The following KHDRBS2 variants were observed in gnomAD, a reference collection of about 807,000 sequenced individuals.
The protein encoded by KHDRBS2 is KH domain-containing, RNA-binding, signal transduction-associated protein 2.
A neutral mutation model predicts 44.3 loss-of-function variants in KHDRBS2; 26 were observed. The ratio of observed to expected loss-of-function variants is 0.59; its 90% CI spans 0.43 to 0.81. KHDRBS2 has a LOEUF of 0.81. Among genes scored for constraint, KHDRBS2 ranks in the 40% least tolerant of loss-of-function variants. The probability of loss-of-function intolerance (pLI) is 0.00; values close to 1 mark genes in which losing one functional copy is unlikely to be tolerated. For synonymous variants in KHDRBS2, 194 were observed against 151.1 expected, an observed-to-expected ratio of 1.28 and a Z score of -2.08; for missense variants, 476 against 433.1, an observed-to-expected ratio of 1.10 and a Z score of -0.88.
intron 6 of KHDRBS2, among the ~76,000 whole-genome samples, chr6:61,819,005 A>G (rs1355851554): frequency 6.6e-6 from 1 of 152,024 alleles, no homozygotes; most frequent in Non-Finnish European, 1.5e-5. Flanking sequence ...CTCAGTAGTT[A>G]GTTTAGTGAA....
intron 6 of KHDRBS2, among the ~76,000 whole-genome samples, chr6:61,876,893 T>C (rs1490482723): frequency 1.2e-4 from 18 of 152,058 alleles, no homozygotes; most frequent in Non-Finnish European, 1.5e-5. Flanking sequence ...TGCCGAAATA[T>C]GTTCCTTGTA....
chr6:62,138,725 A>G (rs1812107301), intron 2 of KHDRBS2, among the ~76,000 whole-genome samples: 1 of 152,208 alleles, frequency 6.6e-6, no homozygotes. Context: ...AACCCATTAT[A>G]CTTTGCAGAT....
chr6:61,544,362 T>C, the KHDRBS2 span, among the ~76,000 whole-genome samples: 1 of 152,144 alleles, frequency 6.6e-6, no homozygotes, highest in African/African-American at 2.4e-5. Flanking sequence ...AAGAGTCTTA[T>C]GGAACCGTTA....
At chr6:62,065,072 A>C (rs573957258) in intron 2 of KHDRBS2, among the ~76,000 whole-genome samples, 124 of 152,276 alleles carry the variant, frequency 8.1e-4, no homozygotes, top group African/African-American at 2.8e-3. Context: ...GCAAATCAAA[A>C]CCACAATGAG....
chr6:61,735,774 A>T (rs540642914), intron 6 of KHDRBS2, among the ~76,000 whole-genome samples: 8 of 152,036 alleles, frequency 5.3e-5, no homozygotes, highest in Non-Finnish European at 1.2e-4. Context: ...ATTGTCTCAT[A>T]CTTAATTGGT....
intron 2 of KHDRBS2, among the ~76,000 whole-genome samples, chr6:62,095,175 T>G (rs1278478269): frequency 6.6e-6 from 1 of 151,728 alleles, no homozygotes; most frequent in East Asian, 1.9e-4. Context: ...GAAAAAGAAA[T>G]AAAGAAAGCA....
At chr6:61,883,415 A>T (rs906563379) in intron 6 of KHDRBS2, among the ~76,000 whole-genome samples, 4 of 152,158 alleles carry the variant, frequency 2.6e-5, no homozygotes, top group Non-Finnish European at 4.4e-5. Context: ...ACAGGGAGAA[A>T]CCTATTTTCA....
chr6:62,113,175 C>A (rs1211315952), intron 2 of KHDRBS2, among the ~76,000 whole-genome samples: 2 of 152,022 alleles, frequency 1.3e-5, no homozygotes, highest in African/African-American at 2.4e-5. Context: ...CCTAGAAGAA[C>A]CCTCCCATTA....
intron 2 of KHDRBS2, among the ~76,000 whole-genome samples, chr6:62,088,245 G>A (rs1313865061): frequency 6.6e-6 from 1 of 152,172 alleles, no homozygotes; most frequent in Non-Finnish European, 1.5e-5. Flanking sequence ...CCTTGCTGGT[G>A]AGGAGTTGTG....
At chr6:61,850,440 C>T (rs1795258707) in intron 6 of KHDRBS2, among the ~76,000 whole-genome samples, 1 of 152,076 alleles carries the variant, frequency 6.6e-6, no homozygotes, top group Admixed American at 6.6e-5. Flanking sequence ...AAATAATTAG[C>T]ACGGAGAAAG....
chr6:61,564,894 A>G, the KHDRBS2 span, among the ~76,000 whole-genome samples: 3 of 152,010 alleles, frequency 2.0e-5, no homozygotes, highest in Admixed American at 6.6e-5. Flanking sequence ...TTCAAATTAT[A>G]CTACAGAGTT....
chr6:61,840,409 T>C lies in KHDRBS2; in HGVS notation c.810+54226A>G, dbSNP rs183797326. ...ATTGTTCTGTTGATAATCAATATAA[T>C]ATAAATAATGACTAAAGCTACTTTA... On this transcript the variant is annotated intron_variant, in intron 6 of 8. Transcript: ENST00000281156. Among the ~76,000 whole-genome samples the C allele has an allele frequency of 2.4e-4, 37 of 152,218 alleles. 1 individual carries two copies. Among genetic ancestry groups the C allele is most frequent in the Admixed American group, 2.2e-3 (33 of 15,258 alleles).
At chr6:61,763,649 A>C (rs567895672) in intron 6 of KHDRBS2, among the ~76,000 whole-genome samples, 14 of 152,298 alleles carry the variant, frequency 9.2e-5, no homozygotes, top group Non-Finnish European at 1.8e-4. Context: ...AAAGTACATG[A>C]GGAATACCAA....
the KHDRBS2 span, among the ~76,000 whole-genome samples, chr6:61,593,849 G>T: frequency 6.6e-6 from 1 of 152,070 alleles, no homozygotes; most frequent in African/African-American, 2.4e-5. Context: ...CAGAAACTAT[G>T]TAAAGGAACT....
chr6:61,545,501 C>CTGTGTGTGTGTGTGTG, the KHDRBS2 span, among the ~76,000 whole-genome samples: 591 of 148,434 alleles, frequency 4.0e-3, no homozygotes, highest in Middle Eastern at 6.9e-3. Flanking sequence ...TAGCTAATCT[C>CTGTGTGTGTGTGTGTG]TGTGTGTGTG....
intron 3 of KHDRBS2, among the ~76,000 whole-genome samples, chr6:62,001,820 T>C (rs1778290360): frequency 6.6e-6 from 1 of 152,134 alleles, no homozygotes; most frequent in Non-Finnish European, 1.5e-5. Flanking sequence ...AGTTATTGAA[T>C]TTTTGTTTCA....
At chr6:61,633,251 A>G in the KHDRBS2 span, among the ~76,000 whole-genome samples, 2 of 152,164 alleles carry the variant, frequency 1.3e-5, no homozygotes, top group African/African-American at 4.8e-5. Context: ...ATTTTGACTG[A>G]GAAAGATACT....
chr6:61,853,625 A>G (rs114594294), intron 6 of KHDRBS2, among the ~76,000 whole-genome samples: 1,973 of 152,342 alleles, frequency 0.013, 48 homozygotes, highest in African/African-American at 0.045. Context: ...TAAGAATAAC[A>G]ACATTTTATA....
chr6:61,686,490 G>A (rs2127539967), intron 8 of KHDRBS2, among the ~76,000 whole-genome samples: 1 of 151,800 alleles, frequency 6.6e-6, no homozygotes, highest in East Asian at 1.9e-4. Context: ...TGTTAGGTTA[G>A]ATGTTTTGCT....
Sources: allele counts gnomAD v4.1 joint callset (sites outside exome capture counted in the v4.1 genomes callset), GRCh38; gene constraint gnomAD v4.1.1; transcripts MANE v1.5; gene names NCBI Gene and HGNC (gene_info 2026-07-23, HGNC 2026-07-21).